SPOCK1: variants seen among roughly 807,000 people sequenced by gnomAD.
The protein encoded by SPOCK1 is testican-1.
Under a neutral mutation model 55.3 loss-of-function variants are expected in SPOCK1, and 23 were observed. The ratio of observed to expected loss-of-function variants is 0.42; its 90% CI spans 0.30 to 0.59. The LOEUF is 0.59. SPOCK1 is among the 20% of genes least tolerant of loss of function. SPOCK1 has a pLI of 0.22. For missense variants in SPOCK1, 499 were observed against 552.5 expected (o/e 0.90, Z 0.97); for synonymous variants, 226 against 221.0 (o/e 1.02, Z -0.20).
chr5:137,328,803 G>T (rs1758121694), intron 2 of SPOCK1, among the ~76,000 whole-genome samples: 1 of 152,164 alleles, frequency 6.6e-6, no homozygotes, highest in African/African-American at 2.4e-5. Context: ...CAAGCCATCT[G>T]CATCACTACT....
chr5:137,227,397 A>G (rs963904834), intron 3 of SPOCK1, among the ~76,000 whole-genome samples: 14 of 152,222 alleles, frequency 9.2e-5, no homozygotes, highest in African/African-American at 3.4e-4. Context: ...GCTGCTTACA[A>G]AAAAGAAATT....
Position 136,978,746 on chromosome 5 carries a change from CTT to C in SPOCK1, c.1226_1227del (p.Lys409ArgfsTer15). On this transcript the variant is annotated frameshift_variant, in exon 11 of 11. Transcript: ENST00000394945. LOFTEE classifies it high-confidence loss of function. ...CGGGTGTGCACCCTCAGCTTCCCCTCTTTGTCCTTTGGTCCCAGCTCCCGTTC... is the reference window on the plus strand; with the variant it reads ...CGGGTGTGCACCCTCAGCTTCCCCTCTGTCCTTTGGTCCCAGCTCCCGTTC... ...EYERELGPKD[K>X]EGKLRVHTRA... 6.2e-7 allele frequency: 1 copy of C among 1,614,170 alleles called. No individual in the cohort carries two copies. The highest frequency in any genetic ancestry group is 8.5e-7 in the Non-Finnish European group (1 of 1,180,032).
At chr5:137,027,550 C>T (rs1751701867) in intron 6 of SPOCK1, among the ~76,000 whole-genome samples, 1 of 151,954 alleles carries the variant, frequency 6.6e-6, no homozygotes, top group Non-Finnish European at 1.5e-5. Context: ...CTAGTGTGAC[C>T]AAGGAATTGA....
At chr5:137,250,096 AAAC>A (rs1756479322) in intron 3 of SPOCK1, among the ~76,000 whole-genome samples, 3 of 152,210 alleles carry the variant, frequency 2.0e-5, no homozygotes, top group African/African-American at 7.2e-5. Flanking sequence ...GAAAAACTTA[AAAC>A]AATATTTCAT....
At chr5:137,394,913 T>C (rs1751809027) in intron 2 of SPOCK1, among the ~76,000 whole-genome samples, 1 of 152,202 alleles carries the variant, frequency 6.6e-6, no homozygotes, top group South Asian at 2.1e-4. Flanking sequence ...TTTTTGGATA[T>C]GTACAATGTT....
chr5:137,488,348 G>A (rs560384140), intron 2 of SPOCK1, among the ~76,000 whole-genome samples: 1 of 152,248 alleles, frequency 6.6e-6, no homozygotes, highest in East Asian at 1.9e-4. Context: ...CTGCACTCCA[G>A]CCTGGGCGAC....
intron 1 of SPOCK1, 63 bp from the exon 2 acceptor site, chr5:137,498,621 C>T: frequency 8.2e-7 from 1 of 1,224,892 alleles, no homozygotes; most frequent in Non-Finnish European, 1.0e-6. Flanking sequence ...CCCCGGGCAC[C>T]CAGGCGTCCC....
chr5:137,300,837 G>A (rs564193544), intron 2 of SPOCK1, among the ~76,000 whole-genome samples: 11 of 152,204 alleles, frequency 7.2e-5, no homozygotes, highest in African/African-American at 7.2e-5. Context: ...CAGCAGCTCC[G>A]TGCCACAGTG....
chr5:137,322,238 T>C (rs999486151), intron 2 of SPOCK1, among the ~76,000 whole-genome samples: 4 of 150,932 alleles, frequency 2.7e-5, no homozygotes, highest in Non-Finnish European at 4.4e-5. Context: ...GAGACTGAGG[T>C]AAGAGAATAA....
In SPOCK1 at chr5:137,152,894, A is replaced by G. The variant is rs542623633; in HGVS notation, c.233-12200T>C. Among the ~76,000 whole-genome samples, 16 of 152,242 alleles carry G rather than the reference A, an allele frequency of 1.1e-4. No homozygotes were observed. In the South Asian group the frequency reaches 3.3e-3, roughly 32 times the overall value. On this transcript the variant is annotated intron_variant, in intron 3 of 10. Transcript: ENST00000394945. ...ATACAAAATACCATTCCATTCTTAC[A>G]CCACCCTGTGAGGCCAAAAGAAAGA... is the stretch of plus-strand genomic sequence containing the variant.
At chr5:137,366,298 C>CA (rs1751060391) in intron 2 of SPOCK1, among the ~76,000 whole-genome samples, 1 of 152,020 alleles carries the variant, frequency 6.6e-6, no homozygotes, top group African/African-American at 2.4e-5. Flanking sequence ...GCTGTCTTAT[C>CA]AAAATCTATA....
chr5:137,289,250 A>C (rs1293559368), intron 2 of SPOCK1, among the ~76,000 whole-genome samples: 2 of 152,218 alleles, frequency 1.3e-5, no homozygotes, highest in Non-Finnish European at 2.9e-5. Flanking sequence ...TATAAATTAT[A>C]TGTATTTTAA....
At chr5:137,140,747 A>ATTTT (rs11309240) in intron 3 of SPOCK1, 53 bp from the exon 4 acceptor site, 1,028 of 351,720 alleles carry the variant, frequency 2.9e-3, no homozygotes, top group South Asian at 7.8e-3. Flanking sequence ...GGGAAATTTA[A>ATTTT]TTTTTTTTTT....
chr5:137,205,980 C>A (rs1755515053), intron 3 of SPOCK1, among the ~76,000 whole-genome samples: 1 of 152,174 alleles, frequency 6.6e-6, no homozygotes, highest in Non-Finnish European at 1.5e-5. Context: ...TGCCCAAGGT[C>A]AAATATCTAC....
chr5:137,392,009 A>C (rs1019074033), intron 2 of SPOCK1, among the ~76,000 whole-genome samples: 2 of 152,152 alleles, frequency 1.3e-5, no homozygotes, highest in African/African-American at 2.4e-5. Context: ...CCACACTGCC[A>C]AATCCTAGAA....
intron 4 of SPOCK1, among the ~76,000 whole-genome samples, chr5:137,134,342 A>C (rs1753940955): frequency 6.6e-6 from 1 of 152,210 alleles, no homozygotes; most frequent in African/African-American, 2.4e-5. Flanking sequence ...TTTGCAGAAC[A>C]GTAGACCACA....
chr5:137,203,121 C>T (rs1755456355), intron 3 of SPOCK1, among the ~76,000 whole-genome samples: 1 of 152,168 alleles, frequency 6.6e-6, no homozygotes, highest in South Asian at 2.1e-4. Flanking sequence ...TTCATTTAGG[C>T]TAATGATTAC....
chr5:136,978,574 T>C lies in SPOCK1; in HGVS notation c.*80A>G. On this transcript the variant is annotated 3_prime_UTR_variant, in exon 11 of 11. Coordinates refer to ENST00000394945, the MANE Select transcript of SPOCK1 (RefSeq NM_004598.4). ...ACAATGGAGAAGAGACCTTGGTGCC[T>C]TGGAGTCTTAGATACAAATGCAGGA... is the stretch of plus-strand genomic sequence containing the variant. 1 of 1,477,326 alleles carries C rather than the reference T, an allele frequency of 6.8e-7. No homozygotes were observed. The highest frequency in any genetic ancestry group is 9.1e-7 in the Non-Finnish European group (1 of 1,095,922). The allele number at this position is 1,477,326 out of a possible 1,614,324, so 91.5% of individuals were successfully genotyped here.
intron 2 of SPOCK1, among the ~76,000 whole-genome samples, chr5:137,358,555 G>C (rs1750872995): frequency 6.6e-6 from 1 of 150,812 alleles, no homozygotes; most frequent in South Asian, 2.1e-4. Flanking sequence ...GAAGGTGGAG[G>C]GGAAGGGGAA....
Sources: gnomAD v4.1 joint callset for allele counts (sites outside exome capture counted in the v4.1 genomes callset) on GRCh38, gnomAD v4.1.1 for gene constraint, MANE v1.5 for transcripts, NCBI Gene and HGNC (gene_info 2026-07-23, HGNC 2026-07-21) for gene names.